The following HECW2 variants were observed in gnomAD, a reference collection of about 807,000 sequenced individuals.
The protein encoded by HECW2 is E3 ubiquitin-protein ligase HECW2.
In HECW2, 61 loss-of-function variants were observed where a neutral mutation model predicts 175.2. That is an observed-to-expected ratio of 0.35 (90% CI 0.28 to 0.43). The LOEUF (loss-of-function observed/expected upper bound fraction) is 0.43, where lower values mean the gene tolerates loss of function less well. Among genes scored for constraint, HECW2 ranks in the 20% least tolerant of loss-of-function variants. The pLI is 1.00. For synonymous variants in HECW2, 671 were observed against 731.0 expected (o/e 0.92, Z 1.32); for missense variants, 1,524 against 2,000.5 (o/e 0.76, Z 4.54).
At chr2:196,213,496 A>G (rs1285087867) in intron 28 of HECW2, among the ~76,000 whole-genome samples, 1 of 152,184 alleles carries the variant, frequency 6.6e-6, no homozygotes, top group Non-Finnish European at 1.5e-5. Flanking sequence ...GCAACTCTGA[A>G]GCAGAAAAGC....
chr2:196,467,858 C>G (rs1697024298), intron 1 of HECW2, among the ~76,000 whole-genome samples: 1 of 152,170 alleles, frequency 6.6e-6, no homozygotes, highest in African/African-American at 2.4e-5. Flanking sequence ...CCCTAAGTGT[C>G]CATGTTACAA....
chr2:196,543,643 C>T (rs554360776), intron 1 of HECW2, among the ~76,000 whole-genome samples: 3 of 151,964 alleles, frequency 2.0e-5, no homozygotes, highest in South Asian at 2.1e-4. Flanking sequence ...GATGGAGTCT[C>T]GCTCTGTCGC....
chr2:196,367,876 T>TGTTTG (rs1553508124), intron 2 of HECW2, among the ~76,000 whole-genome samples: 20 of 145,002 alleles, frequency 1.4e-4, no homozygotes, highest in African/African-American at 5.0e-4. Context: ...GTGTGTGTGT[T>TGTTTG]TGTGTGTGTG....
intron 2 of HECW2, among the ~76,000 whole-genome samples, chr2:196,395,315 T>C (rs1694629680): frequency 6.6e-6 from 1 of 152,086 alleles, no homozygotes; most frequent in Non-Finnish European, 1.5e-5. Context: ...ATTTCTTGAA[T>C]ATGACACCAA....
At chr2:196,282,306 C>T (rs911963582) in intron 14 of HECW2, among the ~76,000 whole-genome samples, 9 of 152,162 alleles carry the variant, frequency 5.9e-5, no homozygotes, top group Non-Finnish European at 1.2e-4. Context: ...AGTGGAGCTC[C>T]AGTAGCCATA....
chr2:196,503,552 C>T (rs1002857650), intron 1 of HECW2, among the ~76,000 whole-genome samples: 3 of 152,168 alleles, frequency 2.0e-5, no homozygotes, highest in Non-Finnish European at 4.4e-5. Context: ...CCCCCTACTC[C>T]TTCTGCCCTC....
At chr2:196,575,777 T>C (rs776196545) in intron 1 of HECW2, among the ~76,000 whole-genome samples, 15 of 152,188 alleles carry the variant, frequency 9.9e-5, no homozygotes, top group South Asian at 2.1e-4. Flanking sequence ...AGGAAACTTT[T>C]ACTCATGGTG....
chr2:196,216,955 T>C, intron 27 of HECW2, 53 bp downstream of exon 27: 3 of 1,231,752 alleles, frequency 2.4e-6, no homozygotes, highest in Non-Finnish European at 3.3e-6. Flanking sequence ...AAACATACAC[T>C]TCCAACAATA....
rs541078273 is a variant in HECW2, at chr2:196,530,797, G to T, written c.-36+62711C>A. On this transcript the variant is annotated intron_variant, in intron 1 of 28. Coordinates refer to ENST00000644978, the MANE Select transcript of HECW2 (RefSeq NM_001348768.2). ...CTATACTAAATCCTAACTGTTCTAT[G>T]GGAGGAAAATAAACTTCTATCTTGT... Among the ~76,000 whole-genome samples the T allele has an allele frequency of 2.9e-4, 44 of 152,288 alleles. No homozygotes were observed. The South Asian group carries it at 4.6e-3, about 16-fold the overall frequency.
At chr2:196,211,920 G>A (rs1444518557) in intron 28 of HECW2, among the ~76,000 whole-genome samples, 2 of 152,064 alleles carry the variant, frequency 1.3e-5, no homozygotes, top group East Asian at 3.9e-4. Context: ...TCGGCTCACT[G>A]CAACCTCTGC....
intron 1 of HECW2, among the ~76,000 whole-genome samples, chr2:196,533,743 G>A (rs945166453): frequency 2.0e-5 from 3 of 152,128 alleles, no homozygotes; most frequent in Non-Finnish European, 2.9e-5. Flanking sequence ...TTATCTCACT[G>A]TAAAACAGTT....
intron 2 of HECW2, among the ~76,000 whole-genome samples, chr2:196,381,637 T>C (rs554899550): frequency 6.6e-5 from 10 of 151,438 alleles, no homozygotes; most frequent in African/African-American, 2.2e-4. Flanking sequence ...AGGGCAAGAG[T>C]TTCCCAGAAA....
At chr2:196,481,673 A>C (rs2125372643) in intron 1 of HECW2, among the ~76,000 whole-genome samples, 1 of 152,384 alleles carries the variant, frequency 6.6e-6, no homozygotes, top group South Asian at 2.1e-4. Flanking sequence ...TCAAAATGTG[A>C]GTTTAATTTA....
At chr2:196,363,007 T>C (rs1693641817) in intron 2 of HECW2, among the ~76,000 whole-genome samples, 1 of 152,150 alleles carries the variant, frequency 6.6e-6, no homozygotes, top group Non-Finnish European at 1.5e-5. Context: ...TACCTCTCTA[T>C]TGTTCCCTTA....
chr2:196,195,660 C>T lies in HECW2; in HGVS notation c.*5617G>A, dbSNP rs540834534. 28 of 152,250 alleles carry T rather than the reference C, an allele frequency of 1.8e-4. No individual in the cohort carries two copies. The highest frequency in any genetic ancestry group is 2.9e-4 in the Non-Finnish European group (20 of 68,006). 9.4% of individuals were successfully genotyped at this position (152,250 alleles called of 1,614,324 possible). A position where few individuals can be genotyped will look rare whatever the true frequency, so the allele number is the denominator to read the frequency against. On this transcript the variant is annotated 3_prime_UTR_variant, in exon 29 of 29. Transcript: ENST00000644978. ...AGAAATCATGAAAATGTCTCAAATG[C>T]TATTCTAATGTCAAGGGATGTCCGC...
At chr2:196,397,129 CAAAACAAAAA>C (rs1489105879) in intron 2 of HECW2, among the ~76,000 whole-genome samples, 41 of 17,172 alleles carry the variant, frequency 2.4e-3, no homozygotes, top group African/African-American at 5.1e-3. Flanking sequence ...CAAAACAAAA[CAAAACAAAAA>C]AAAAAAAAAC....
chr2:196,344,074 T>A (rs1225429288), intron 2 of HECW2, among the ~76,000 whole-genome samples: 1 of 152,100 alleles, frequency 6.6e-6, no homozygotes, highest in Non-Finnish European at 1.5e-5. Flanking sequence ...AGCTGATTTA[T>A]AACAAAGGGG....
Position 196,274,060 on chromosome 2 carries a change from T to C in HECW2, c.3199A>G (p.Thr1067Ala), listed in dbSNP as rs879059574. The change falls in exon 16 of 29, where the codon ACA becomes GCA. Residue 1067 changes from threonine (T) to alanine (A), a missense_variant. By Grantham distance (58) the Thr-to-Ala change is moderately conservative. Transcript: ENST00000644978. ...VLPRPSSTFN[T>A]VSRPQYQDMV... ...TCCTGGTACTGTGGCCTACTGACTG[T>C]ATTGAATGTACTGGATGGCCTGGGA... is the stretch of plus-strand genomic sequence containing the variant. 3.1e-6 allele frequency: 5 copies of C among 1,613,958 alleles called. No individual in the cohort carries two copies. The highest frequency in any genetic ancestry group is 4.2e-6 in the Non-Finnish European group (5 of 1,179,930).
chr2:196,238,797 C>A (rs1039990007), intron 21 of HECW2: 1 of 152,258 alleles, frequency 6.6e-6, no homozygotes, highest in Non-Finnish European at 1.5e-5. Context: ...AAGCCCCACT[C>A]ACCCTGGACC....
Sources: allele counts gnomAD v4.1 joint callset (sites outside exome capture counted in the v4.1 genomes callset), GRCh38; gene constraint gnomAD v4.1.1; transcripts MANE v1.5; gene names NCBI Gene and HGNC (gene_info 2026-07-23, HGNC 2026-07-21).